The following UBTD1 variants were observed in gnomAD, a reference collection of about 807,000 sequenced individuals.
UBTD1 encodes ubiquitin domain-containing protein 1.
In UBTD1, 19 loss-of-function variants were observed where a neutral mutation model predicts 21.7. The observed-to-expected ratio is 0.87, with a 90% CI of 0.61 to 1.28. UBTD1 has a LOEUF of 1.28. Ranked by LOEUF, UBTD1 falls within the 50% of genes most tolerant of loss-of-function variation. The pLI is 0.00. For synonymous variants in UBTD1, 116 were observed against 135.1 expected (o/e 0.86, Z 0.98); for missense variants, 282 against 315.1 (o/e 0.89, Z 0.80).
chr10:97,509,114 G>A (rs7077917), intron 1 of UBTD1, among the ~76,000 whole-genome samples: 34,601 of 152,056 alleles, frequency 0.23, 4,337 homozygotes, highest in Non-Finnish European at 0.28. Context: ...AGCATTTTGC[G>A]GTTTTCAAAA....
At chr10:97,569,637 A>C (rs2040735233) in intron 2 of UBTD1, among the ~76,000 whole-genome samples, 1 of 152,172 alleles carries the variant, frequency 6.6e-6, no homozygotes, top group Non-Finnish European at 1.5e-5. Context: ...TTTATTTTCC[A>C]CAGTTCTGGA....
At chr10:97,522,214 C>T (rs1039795318) in intron 1 of UBTD1, among the ~76,000 whole-genome samples, 3 of 152,220 alleles carry the variant, frequency 2.0e-5, no homozygotes, top group Non-Finnish European at 2.9e-5. Context: ...AATGTGGGGT[C>T]GTTCCACTTA....
chr10:97,565,945 C>A (rs114029434), intron 1 of UBTD1, among the ~76,000 whole-genome samples: 1 of 152,056 alleles, frequency 6.6e-6, no homozygotes, highest in African/African-American at 2.4e-5. Flanking sequence ...AATTCCTGGG[C>A]TCAAGTGATC....
At chr10:97,512,490 C>T (rs1351906135) in intron 1 of UBTD1, among the ~76,000 whole-genome samples, 4 of 152,216 alleles carry the variant, frequency 2.6e-5, no homozygotes, top group Non-Finnish European at 5.9e-5. Context: ...TAACTTATTG[C>T]TTGTATGACT....
chr10:97,505,570 T>C (rs2040395060), intron 1 of UBTD1, among the ~76,000 whole-genome samples: 1 of 152,240 alleles, frequency 6.6e-6, no homozygotes, highest in Non-Finnish European at 1.5e-5. Flanking sequence ...CTTTCATGGC[T>C]ACACAGTGTG....
intron 1 of UBTD1, among the ~76,000 whole-genome samples, chr10:97,553,353 A>C (rs1485302310): frequency 6.6e-6 from 1 of 151,654 alleles, no homozygotes; most frequent in Admixed American, 6.6e-5. Flanking sequence ...GCTTTCTCGA[A>C]CTCCTGACCT....
At chr10:97,540,682 TTC>T (rs1287085346) in intron 1 of UBTD1, among the ~76,000 whole-genome samples, 2 of 152,296 alleles carry the variant, frequency 1.3e-5, no homozygotes, top group East Asian at 3.9e-4. Flanking sequence ...AGAGCCAGGG[TTC>T]TCTCTCAGGT....
intron 2 of UBTD1, 74 bp downstream of exon 2, chr10:97,568,215 A>T: frequency 1.3e-6 from 2 of 1,529,010 alleles, no homozygotes; most frequent in Non-Finnish European, 1.8e-6. Context: ...GGTGTTGAGG[A>T]GTGTGGAGCG....
chr10:97,513,045 G>A (rs542238075), intron 1 of UBTD1, among the ~76,000 whole-genome samples: 3 of 152,334 alleles, frequency 2.0e-5, no homozygotes, highest in South Asian at 2.1e-4. Context: ...CCTTTTAGGG[G>A]AAGGGAATTG....
At chr10:97,554,247 G>T (rs914756847) in intron 1 of UBTD1, among the ~76,000 whole-genome samples, 138 of 134,860 alleles carry the variant, frequency 1.0e-3, no homozygotes, top group Non-Finnish European at 1.9e-3. Context: ...GTTTGTTTTC[G>T]TTTTTTTTTT....
intron 1 of UBTD1, among the ~76,000 whole-genome samples, chr10:97,528,987 A>T (rs2040510080): frequency 6.6e-6 from 1 of 151,704 alleles, no homozygotes. Flanking sequence ...TGCCGGGCGG[A>T]GACGCTCCTC....
intron 2 of UBTD1, 148 bp from the exon 3 acceptor site, chr10:97,569,990 A>G (rs932807695): frequency 1.8e-5 from 22 of 1,199,250 alleles, no homozygotes; most frequent in Non-Finnish European, 2.2e-5. Context: ...GACCTCATTT[A>G]ACTTTATTTA....
At position 97,570,024 on chromosome 10, in the gene UBTD1, A is replaced by C; in HGVS notation, c.299-114A>C. ...TATTTCTGTATAGGCCCCATGTCCA[A>C]ATACAGTCACATTGGGGGTTAGAGT... On this transcript the variant is annotated intron_variant, in intron 2 of 2. Transcript: ENST00000370664. This position sits in a 1 kb window ranked among gnomAD's most constrained non-coding sequence, Gnocchi z 6.6. 7.0e-7 allele frequency: 1 copy of C among 1,422,734 alleles called. No individual in the cohort carries two copies. Among genetic ancestry groups the C allele is most frequent in the Non-Finnish European group, 9.5e-7 (1 of 1,057,612 alleles). The allele number at this position is 1,422,734 out of a possible 1,614,324, so 88.1% of individuals were successfully genotyped here.
chr10:97,513,739 G>T (rs954560357), intron 1 of UBTD1, among the ~76,000 whole-genome samples: 1 of 152,194 alleles, frequency 6.6e-6, no homozygotes, highest in Non-Finnish European at 1.5e-5. Context: ...TAGAGATAGG[G>T]TCTTATTCTG....
chr10:97,570,532 C>G lies in UBTD1; in HGVS notation c.*9C>G. 13 of 1,584,812 alleles carry G rather than the reference C, an allele frequency of 8.2e-6. No individual in the cohort carries two copies. Among genetic ancestry groups the G allele is most frequent in the Non-Finnish European group, 1.1e-5 (13 of 1,159,732 alleles). ...CACCACCCCAGGACTGATGGGCCCA[C>G]GGACCCCTGGGAAGAGGCCCCGCCT... is the stretch of plus-strand genomic sequence containing the variant. On this transcript the variant is annotated 3_prime_UTR_variant, in exon 3 of 3. Coordinates refer to ENST00000370664, the MANE Select transcript of UBTD1 (RefSeq NM_024954.5). This position sits in a 1 kb window ranked among gnomAD's most constrained non-coding sequence, Gnocchi z 6.6.
At chr10:97,519,177 A>T (rs1440055641) in intron 1 of UBTD1, among the ~76,000 whole-genome samples, 1 of 152,222 alleles carries the variant, frequency 6.6e-6, no homozygotes, top group East Asian at 1.9e-4. Flanking sequence ...AGGAGACCTC[A>T]TAGTGTCATT....
chr10:97,507,147 G>A (rs1348935045), intron 1 of UBTD1, among the ~76,000 whole-genome samples: 2 of 152,072 alleles, frequency 1.3e-5, no homozygotes, highest in Non-Finnish European at 2.9e-5. Flanking sequence ...TCACCAACAG[G>A]GTGCAAGAGT....
intron 1 of UBTD1, among the ~76,000 whole-genome samples, chr10:97,558,633 G>A (rs578125563): frequency 2.7e-5 from 4 of 150,386 alleles, no homozygotes; most frequent in African/African-American, 7.5e-5. Flanking sequence ...GGCTGGGGCC[G>A]ACATGAATTT....
At chr10:97,566,264 T>C (rs1329352281) in intron 1 of UBTD1, among the ~76,000 whole-genome samples, 3 of 115,704 alleles carry the variant, frequency 2.6e-5, no homozygotes, top group African/African-American at 9.8e-5. Flanking sequence ...TCCTTGCATA[T>C]TGAGATTTTT....
Sources: gnomAD v4.1 joint callset for allele counts (sites outside exome capture counted in the v4.1 genomes callset) on GRCh38, gnomAD v4.1.1 for gene constraint, Gnocchi (gnomAD v3.1) non-coding constraint, MANE v1.5 for transcripts, NCBI Gene and HGNC (gene_info 2026-07-23, HGNC 2026-07-21) for gene names.